FHIP1A: variants seen among roughly 807,000 people sequenced by gnomAD.
FHIP1A encodes the protein FHF complex subunit HOOK-interacting protein 1A.
A neutral mutation model predicts 88.6 loss-of-function variants in FHIP1A; 61 were observed. The observed-to-expected ratio is 0.69, with a 90% confidence interval of 0.56 to 0.85. The LOEUF (loss-of-function observed/expected upper bound fraction) is 0.85. FHIP1A is among the 40% of genes least tolerant of loss of function. The pLI is 0.00. For synonymous variants in FHIP1A, 478 were observed against 496.0 expected (o/e 0.96, Z 0.48); for missense variants, 1,154 against 1,273.5 (o/e 0.91, Z 1.43).
At chr4:151,562,985 G>A (rs1223410323) in intron 3 of FHIP1A, among the ~76,000 whole-genome samples, 8 of 151,914 alleles carry the variant, frequency 5.3e-5, no homozygotes, top group Admixed American at 3.3e-4. Flanking sequence ...TTTTTGCATC[G>A]TCAAATAAAT....
chr4:151,441,254 A>G (rs558769137), intron 1 of FHIP1A, among the ~76,000 whole-genome samples: 1 of 152,296 alleles, frequency 6.6e-6, no homozygotes, highest in Admixed American at 6.5e-5. Context: ...GACTTAAAGT[A>G]AGTGCATTTA....
chr4:151,649,577 C>G lies in FHIP1A; in HGVS notation c.1536C>G (p.Leu512=). Reference sequence around the variant, plus strand: ...TGTGGGAGGCCCACACCAACATCCTCCGCTGCATGAGGGACTGCCGTGTCT... The same window carrying G: ...TGTGGGAGGCCCACACCAACATCCTGCGCTGCATGAGGGACTGCCGTGTCT... ...QYLWEAHTNI[L]RCMRDCRVWS... Residue 512 remains leucine (L), a synonymous_variant, in exon 11 of 14, where the codon CTC becomes CTG. Transcript: ENST00000435205. The G allele has an allele frequency of 6.4e-7, 1 of 1,551,740 alleles. No homozygotes were observed. Among genetic ancestry groups the G allele is most frequent in the African/African-American group, 1.4e-5 (1 of 73,174 alleles).
intron 6 of FHIP1A, 30 bp from the exon 7 acceptor site, chr4:151,588,810 C>G (rs1329573687): frequency 7.1e-7 from 1 of 1,400,810 alleles, no homozygotes; most frequent in African/African-American, 1.4e-5. Context: ...AACTCTTTGC[C>G]TTTTTCATGC....
chr4:151,581,875 T>C (rs765281846), intron 5 of FHIP1A, among the ~76,000 whole-genome samples: 22 of 152,216 alleles, frequency 1.4e-4, no homozygotes, highest in Non-Finnish European at 2.2e-4. Flanking sequence ...TTTACTGTTA[T>C]AGTTGATAGG....
chr4:151,650,580 A>G lies in FHIP1A; in HGVS notation c.2539A>G (p.Thr847Ala), dbSNP rs939624027. ...ASRHPVRTQS[T>A]PFTGPFISVV... ...TCGCCATCCCGTGAGGACTCAAAGCACCCCATTCACAGGTGACCATCTTAA... is the reference window on the plus strand; with the variant it reads ...TCGCCATCCCGTGAGGACTCAAAGCGCCCCATTCACAGGTGACCATCTTAA... Residue 847 changes from threonine to alanine, a missense_variant, in exon 11 of 14, where the codon ACC becomes GCC. By Grantham distance (58) the Thr-to-Ala change is moderately conservative. Coordinates refer to ENST00000435205, the MANE Select transcript of FHIP1A (RefSeq NM_001109977.3). 1 of 1,549,228 alleles carries G rather than the reference A, an allele frequency of 6.5e-7. No homozygotes were observed. The highest frequency in any genetic ancestry group is 2.0e-5 in the Admixed American group (1 of 50,830).
At chr4:151,493,724 A>T (rs1314373163) in intron 3 of FHIP1A, among the ~76,000 whole-genome samples, 1 of 152,256 alleles carries the variant, frequency 6.6e-6, no homozygotes, top group Non-Finnish European at 1.5e-5. Context: ...AACAAAAATT[A>T]TATGATCATC....
In FHIP1A at chr4:151,656,709, G is replaced by C; in HGVS notation, c.2731-51G>C. The C allele has an allele frequency of 6.6e-7, 1 of 1,520,096 alleles. No individual in the cohort carries two copies. 94.2% of individuals were successfully genotyped at this position (1,520,096 alleles called of 1,614,324 possible). Reference sequence around the variant, plus strand: ...ACCTGCAAGATATATTGATAACTGGGAGTGGAATTTCATGGTGAGGCATTA... The same window carrying C: ...ACCTGCAAGATATATTGATAACTGGCAGTGGAATTTCATGGTGAGGCATTA... On this transcript the variant is annotated intron_variant, in intron 12 of 13. Coordinates refer to ENST00000435205, the MANE Select transcript of FHIP1A (RefSeq NM_001109977.3). The surrounding 1 kb of genome is among the most constrained non-coding windows in gnomAD (Gnocchi z 4.2).
intron 5 of FHIP1A, among the ~76,000 whole-genome samples, chr4:151,582,879 TA>T (rs1734076393): frequency 1.3e-5 from 2 of 152,194 alleles, no homozygotes; most frequent in African/African-American, 2.4e-5. Context: ...AATTCTAAGT[TA>T]AAAAATGAAA....
rs1300398833 is a variant in FHIP1A at position 151,668,762 on chromosome 4, G to A, written c.*6008G>A. Among the ~76,000 whole-genome samples the A allele has an allele frequency of 6.6e-6, 1 of 151,568 alleles. No individual in the cohort carries two copies. Among genetic ancestry groups the A allele is most frequent in the Non-Finnish European group, 1.5e-5 (1 of 67,904 alleles). On this transcript the variant is annotated 3_prime_UTR_variant, in exon 14 of 14. Transcript: ENST00000435205. ...CTGTTAGGTAGCATGCAGAGTGCTA[G>A]GGCTGGCACATTCCTGCCTTCCCAC...
At chr4:151,549,455 C>T (rs1482175249) in intron 3 of FHIP1A, among the ~76,000 whole-genome samples, 10 of 148,056 alleles carry the variant, frequency 6.8e-5, no homozygotes, top group East Asian at 4.0e-4. Flanking sequence ...CACACCACTG[C>T]GCTCCAGCCT....
At chr4:151,489,346 G>A (rs1312671920) in intron 3 of FHIP1A, among the ~76,000 whole-genome samples, 1 of 152,226 alleles carries the variant, frequency 6.6e-6, no homozygotes, top group African/African-American at 2.4e-5. Context: ...GGTCTTTGGG[G>A]AAGGGAAGGC....
chr4:151,411,345 A>C (rs200838571), intron 1 of FHIP1A, among the ~76,000 whole-genome samples: 28 of 121,664 alleles, frequency 2.3e-4, no homozygotes, highest in Admixed American at 3.5e-4. Flanking sequence ...GAAATTATAT[A>C]TATATTTTTT....
At chr4:151,458,263 A>G (rs1729032579) in intron 2 of FHIP1A, among the ~76,000 whole-genome samples, 1 of 152,186 alleles carries the variant, frequency 6.6e-6, no homozygotes, top group South Asian at 2.1e-4. Flanking sequence ...ACTTGGAAGA[A>G]AATAGTCAGT....
intron 7 of FHIP1A, among the ~76,000 whole-genome samples, chr4:151,625,537 A>G (rs1735920916): frequency 6.6e-6 from 1 of 152,240 alleles, no homozygotes. Context: ...CTGATTACAG[A>G]AAGGTCAGAA....
intron 7 of FHIP1A, among the ~76,000 whole-genome samples, chr4:151,596,379 CAG>C (rs1734648794): frequency 6.6e-6 from 1 of 152,172 alleles, no homozygotes; most frequent in Admixed American, 6.5e-5. Flanking sequence ...AGGGTTTCTG[CAG>C]AGAGATCCCC....
intron 8 of FHIP1A, among the ~76,000 whole-genome samples, chr4:151,632,229 T>C (rs1444533173): frequency 6.6e-6 from 1 of 151,418 alleles, no homozygotes; most frequent in Non-Finnish European, 1.5e-5. Context: ...GATAAAAGGG[T>C]CAATTCACTA....
At position 151,646,729 on chromosome 4, in the gene FHIP1A, G is replaced by A; in HGVS notation, c.1398G>A (p.Lys466=). 1 of 1,550,428 alleles carries A rather than the reference G, an allele frequency of 6.4e-7. No homozygotes were observed. The highest frequency in any genetic ancestry group is 1.2e-5 in the South Asian group (1 of 84,026). ...NQERDYILWS[K]CMHDTSGPVE... Reference sequence around the variant, plus strand: ...AGAGGGATTATATTCTCTGGTCAAAGTGTATGCATGACACTTCAGGTAGGA... The same window carrying A: ...AGAGGGATTATATTCTCTGGTCAAAATGTATGCATGACACTTCAGGTAGGA... Residue 466 remains lysine (K), a synonymous_variant, in exon 10 of 14, where the codon AAG becomes AAA. Coordinates refer to ENST00000435205, the MANE Select transcript of FHIP1A (RefSeq NM_001109977.3).
At position 151,544,908 on chromosome 4, in the gene FHIP1A, A is replaced by G. The variant is rs894434948; in HGVS notation, c.-122-21230A>G. Among the ~76,000 whole-genome samples the G allele has an allele frequency of 9.2e-5, 14 of 152,190 alleles. No homozygotes were observed. In the East Asian group the frequency reaches 2.3e-3, roughly 25 times the overall value. ...CCTGGGTAACATAGGGAGACCCCCT[A>G]TCTACAAAAAAATACAAAAATTAGC... is the stretch of plus-strand genomic sequence containing the variant. On this transcript the variant is annotated intron_variant, in intron 3 of 13. Transcript: ENST00000435205.
chr4:151,635,082 C>A (rs1223348885), intron 8 of FHIP1A, among the ~76,000 whole-genome samples: 1 of 151,670 alleles, frequency 6.6e-6, no homozygotes, highest in African/African-American at 2.4e-5. Context: ...TAAAAATAAA[C>A]AAAGTACTTG....
Sources: gnomAD v4.1 joint callset for allele counts (sites outside exome capture counted in the v4.1 genomes callset) on GRCh38, gnomAD v4.1.1 for gene constraint, Gnocchi (gnomAD v3.1) non-coding constraint, MANE v1.5 for transcripts, NCBI Gene and HGNC (gene_info 2026-07-23, HGNC 2026-07-21) for gene names.